FAM78A: variants seen among roughly 807,000 people sequenced by gnomAD.
FAM78A encodes the protein protein FAM78A.
A neutral mutation model predicts 22.6 loss-of-function variants in FAM78A; 12 were observed. The observed-to-expected ratio is 0.53, with a 90% CI of 0.34 to 0.86. FAM78A has a LOEUF of 0.86. Among genes scored for constraint, FAM78A ranks in the 40% least tolerant of loss-of-function variants. The pLI is 0.02. For synonymous variants in FAM78A, 151 were observed against 155.8 expected (o/e 0.97, Z 0.23); for missense variants, 322 against 396.1 (o/e 0.81, Z 1.59).
At position 131,261,037 on chromosome 9, in the gene FAM78A, T is replaced by C. The variant is rs1462008848; in HGVS notation, c.637A>G (p.Met213Val). 9 of 1,613,978 alleles carry C rather than the reference T, an allele frequency of 5.6e-6. No individual in the cohort carries two copies. The Admixed American group carries it at 1.2e-4, about 21-fold the overall frequency. ...GGGTTCACCTCGATGCTGAGCTGCA[T>C]GCGCCAGTGCAGCGTCTGCAGGATG... ...MIILQTLHWR[M>V]QLSIEVNPNR... Residue 213 changes from methionine to valine, a missense_variant, in exon 2 of 2, where the codon ATG becomes GTG. Transcript: ENST00000372271. This position sits in a 1 kb window ranked among gnomAD's most constrained non-coding sequence, Gnocchi z 7.1.
rs921836793 is a variant in FAM78A at position 131,272,024 on chromosome 9, T to G, written c.323+3833A>C. On this transcript the variant is annotated intron_variant, in intron 1 of 1. Transcript: ENST00000372271. This position sits in a 1 kb window ranked among gnomAD's most constrained non-coding sequence, Gnocchi z 4.1. ...AGTCAGGGTATTATTGAGATGGTGG[T>G]TTTTTTTTTTAATTGTTCCATTTCA... Among the ~76,000 whole-genome samples, 6 of 144,088 alleles carry G rather than the reference T, an allele frequency of 4.2e-5. No homozygotes were observed. Among genetic ancestry groups the G allele is most frequent in the African/African-American group, 1.0e-4 (4 of 39,764 alleles). 94.5% of individuals were successfully genotyped at this position (144,088 alleles called of 152,430 possible).
chr9:131,264,442 G>A, intron 1 of FAM78A: 1 of 624,374 alleles, frequency 1.6e-6, no homozygotes, highest in Non-Finnish European at 3.0e-6. Flanking sequence ...CAGCAGCCCA[G>A]GGTCCACTGT....
At position 131,258,555 on chromosome 9, in the gene FAM78A, C is replaced by G. The variant is rs1048819347; in HGVS notation, c.*2267G>C. 1 of 152,136 alleles carries G rather than the reference C, an allele frequency of 6.6e-6. No individual in the cohort carries two copies. Among genetic ancestry groups the G allele is most frequent in the Non-Finnish European group, 1.5e-5 (1 of 68,012 alleles). The allele number at this position is 152,136 out of a possible 1,614,324, so 9.4% of individuals were successfully genotyped here. A position where few individuals can be genotyped will look rare whatever the true frequency, so the allele number is the denominator to read the frequency against. The stretch of plus-strand genomic sequence containing the variant: ...AGTGTTTGCTCTCACTCAAGAAATG[C>G]GGGTTCGGGGGTCCTTCACCCCCTA... On this transcript the variant is annotated 3_prime_UTR_variant, in exon 2 of 2. Transcript: ENST00000372271.
In FAM78A at chr9:131,275,790, C is replaced by A; in HGVS notation, c.323+67G>T. On this transcript the variant is annotated intron_variant, in intron 1 of 1. Coordinates refer to ENST00000372271, the MANE Select transcript of FAM78A (RefSeq NM_033387.4). The surrounding 1 kb of genome is among the most constrained non-coding windows in gnomAD (Gnocchi z 4.6). ...TCTCCACCTTCCCCCTATCCGCGGC[C>A]CCCCACCAGGCCTCCAAGCTCGGCC... is the stretch of plus-strand genomic sequence containing the variant. The A allele has an allele frequency of 6.7e-7, 1 of 1,488,024 alleles. No individual in the cohort carries two copies. The highest frequency in any genetic ancestry group is 9.0e-7 in the Non-Finnish European group (1 of 1,109,318). 92.2% of individuals were successfully genotyped at this position (1,488,024 alleles called of 1,614,324 possible).
Position 131,265,360 on chromosome 9 carries a change from A to G in FAM78A, c.324-4010T>C, listed in dbSNP as rs552091147. ...AACCTCTGCCTCCTGGGTTCAAGCG[A>G]TTCTCCTGCCTCAGCTTCCCAAGTA... On this transcript the variant is annotated intron_variant, in intron 1 of 1. Coordinates refer to ENST00000372271, the MANE Select transcript of FAM78A (RefSeq NM_033387.4). The surrounding 1 kb of genome is among the most constrained non-coding windows in gnomAD (Gnocchi z 4.3). Among the ~76,000 whole-genome samples the G allele has an allele frequency of 1.3e-5, 2 of 152,182 alleles. No homozygotes were observed. Among genetic ancestry groups the G allele is most frequent in the South Asian group, 4.1e-4 (2 of 4,822 alleles).
rs61738264 is a variant in FAM78A at position 131,276,120 on chromosome 9, G to T, written c.60C>A (p.Ala20=). ...CTCCGATGCTCTGAATACAGCCCAT[G>T]GCATACAGGAGCGCTCTGATCTCCA... ...PSLEIRALLY[A]MGCIQSIGGK... is the part of the protein sequence containing the mutation. The change falls in exon 1 of 2, where the codon GCC becomes GCA. Residue 20 remains alanine (A), a synonymous_variant. Transcript: ENST00000372271. The surrounding 1 kb of genome is among the most constrained non-coding windows in gnomAD (Gnocchi z 4.3). 1,629 of 1,613,638 alleles carry T rather than the reference G, an allele frequency of 1.0e-3. 20 individuals are homozygous for T. The African/African-American group carries it at 0.019, about 19-fold the overall frequency.
chr9:131,264,749 A>T (rs2131163305), intron 1 of FAM78A: 2 of 616,352 alleles, frequency 3.2e-6, no homozygotes, highest in South Asian at 3.8e-5. Flanking sequence ...TTTGAGACAG[A>T]GTCTCACTCT....
intron 1 of FAM78A, among the ~76,000 whole-genome samples, chr9:131,266,861 C>T (rs1267856687): frequency 6.6e-6 from 1 of 152,208 alleles, no homozygotes; most frequent in Non-Finnish European, 1.5e-5. Context: ...TGTCAGTGCA[C>T]GCTGGGTCTC....
At chr9:131,277,757 G>A (rs1835503618), upstream of FAM78A, among the ~76,000 whole-genome samples, 1 of 151,042 alleles carries the variant, frequency 6.6e-6, no homozygotes, top group African/African-American at 2.4e-5. This position sits in a 1 kb window ranked among gnomAD's most constrained non-coding sequence, Gnocchi z 8.4. Context: ...GAGGGCTGAG[G>A]CTCGGGGCTC....
intron 1 of FAM78A, among the ~76,000 whole-genome samples, chr9:131,268,501 CCTT>C (rs1299545756): frequency 6.6e-6 from 1 of 152,234 alleles, no homozygotes; most frequent in African/African-American, 2.4e-5. Context: ...GACCCAGACA[CCTT>C]CTCCCTGCCA....
At chr9:131,278,518 T>G (rs537431372), upstream of FAM78A, among the ~76,000 whole-genome samples, 11 of 152,236 alleles carry the variant, frequency 7.2e-5, no homozygotes, top group African/African-American at 2.4e-4. Context: ...CCCGGCTGTG[T>G]GATGAGCGCT....
chr9:131,270,912 G>A (rs1260742941), intron 1 of FAM78A, among the ~76,000 whole-genome samples: 1 of 151,938 alleles, frequency 6.6e-6, no homozygotes, highest in Non-Finnish European at 1.5e-5. Context: ...GTGGGAAGGC[G>A]CCCGAGGCAG....
rs902368226 is a variant in FAM78A at position 131,274,357 on chromosome 9, C to T, written c.323+1500G>A. ...ACAACTGTCCCGATGCCTTCAAAGC[C>T]CGAGGAGGTTTCTGGGCTTAAGCGT... On this transcript the variant is annotated intron_variant, in intron 1 of 1. Transcript: ENST00000372271. The surrounding 1 kb of genome is among the most constrained non-coding windows in gnomAD (Gnocchi z 4.2). Among the ~76,000 whole-genome samples, 1 of 152,224 alleles carries T rather than the reference C, an allele frequency of 6.6e-6. No homozygotes were observed. The highest frequency in any genetic ancestry group is 2.4e-5 in the African/African-American group (1 of 41,446).
At chr9:131,277,375 G>A (rs1835500065), upstream of FAM78A, among the ~76,000 whole-genome samples, 1 of 151,936 alleles carries the variant, frequency 6.6e-6, no homozygotes, top group South Asian at 2.1e-4. This position sits in a 1 kb window ranked among gnomAD's most constrained non-coding sequence, Gnocchi z 8.4. Flanking sequence ...CCCTTTCCCG[G>A]CTGGGGTCCC....
rs1423995189 is a variant in FAM78A, at chr9:131,261,947, C to A, written c.324-597G>T. Among the ~76,000 whole-genome samples, 1 of 152,186 alleles carries A rather than the reference C, an allele frequency of 6.6e-6. No homozygotes were observed. Among genetic ancestry groups the A allele is most frequent in the Non-Finnish European group, 1.5e-5 (1 of 68,036 alleles). ...GCTACTGTTAAAAATGCACTCCTGGCCGGGCGTGGTGGCTCACACCTGTAA... is the reference window on the plus strand; with the variant it reads ...GCTACTGTTAAAAATGCACTCCTGGACGGGCGTGGTGGCTCACACCTGTAA... On this transcript the variant is annotated intron_variant, in intron 1 of 1. Coordinates refer to ENST00000372271, the MANE Select transcript of FAM78A (RefSeq NM_033387.4). The surrounding 1 kb of genome is among the most constrained non-coding windows in gnomAD (Gnocchi z 7.1).
intron 1 of FAM78A, among the ~76,000 whole-genome samples, chr9:131,266,643 A>G (rs1000301991): frequency 9.2e-5 from 14 of 152,052 alleles, no homozygotes; most frequent in Admixed American, 4.6e-4. Context: ...ATTCAACGCC[A>G]CTGGATCTCA....
rs962540272 is a variant in FAM78A at position 131,261,482 on chromosome 9, C to T, written c.324-132G>A. The T allele has an allele frequency of 1.6e-5, 12 of 769,324 alleles. No homozygotes were observed. Among genetic ancestry groups the T allele is most frequent in the East Asian group, 2.8e-5 (1 of 36,214 alleles). 47.7% of individuals were successfully genotyped at this position (769,324 alleles called of 1,614,324 possible). A position where few individuals can be genotyped will look rare whatever the true frequency, so the allele number is the denominator to read the frequency against. On this transcript the variant is annotated intron_variant, in intron 1 of 1. Coordinates refer to ENST00000372271, the MANE Select transcript of FAM78A (RefSeq NM_033387.4). This position sits in a 1 kb window ranked among gnomAD's most constrained non-coding sequence, Gnocchi z 7.1. ...CAGCAGACCACCCGGTCCCCTTTGACGTTCTGGGGGCAGGGGGTCAGACAG... is the reference window on the plus strand; with the variant it reads ...CAGCAGACCACCCGGTCCCCTTTGATGTTCTGGGGGCAGGGGGTCAGACAG...
rs116448615 is a variant in FAM78A at position 131,271,617 on chromosome 9, C to G, written c.323+4240G>C. On this transcript the variant is annotated intron_variant, in intron 1 of 1. Coordinates refer to ENST00000372271, the MANE Select transcript of FAM78A (RefSeq NM_033387.4). ...CCCCATCCACCCAAAGAAACCCTTT[C>G]TATCTGAGCTGCTCCCCCTCCTCCC... Among the ~76,000 whole-genome samples, 806 of 152,374 alleles carry G rather than the reference C, an allele frequency of 5.3e-3. 11 individuals are homozygous for G. Among genetic ancestry groups the G allele is most frequent in the African/African-American group, 0.019 (780 of 41,594 alleles).
Position 131,261,364 on chromosome 9 carries a change from AG to A in FAM78A, c.324-15del. The A allele has an allele frequency of 6.4e-7, 1 of 1,556,936 alleles. No homozygotes were observed. Among genetic ancestry groups the A allele is most frequent in the South Asian group, 1.2e-5 (1 of 84,466 alleles). On this transcript the variant is annotated splice_polypyrimidine_tract_variant and intron_variant, in intron 1 of 1. Coordinates refer to ENST00000372271, the MANE Select transcript of FAM78A (RefSeq NM_033387.4). The surrounding 1 kb of genome is among the most constrained non-coding windows in gnomAD (Gnocchi z 7.1). ...TCCCAGCTGGACCTGAGGACAAGGAAGGCCAGTTCACTCACTCGGTCACTCA... is the reference window on the plus strand; with the variant it reads ...TCCCAGCTGGACCTGAGGACAAGGAAGCCAGTTCACTCACTCGGTCACTCA...
Sources: allele counts gnomAD v4.1 joint callset (sites outside exome capture counted in the v4.1 genomes callset), GRCh38; gene constraint gnomAD v4.1.1; non-coding constraint Gnocchi (gnomAD v3.1); transcripts MANE v1.5; gene names NCBI Gene and HGNC (gene_info 2026-07-23, HGNC 2026-07-21).